The following EP300 variants were observed in gnomAD, a reference collection of about 807,000 sequenced individuals.
The protein encoded by EP300 is histone acetyltransferase p300.
A neutral mutation model predicts 264.0 loss-of-function variants in EP300; 31 were observed. That is an observed-to-expected ratio of 0.12 (90% CI 0.09 to 0.16). EP300 has a LOEUF of 0.16. EP300 is among the 10% of genes least tolerant of loss of function. The pLI, the probability that EP300 is intolerant of heterozygous loss-of-function variation, is 1.00. For missense variants in EP300, 2,766 were observed against 3,052.9 expected (o/e 0.91, Z 2.21); for synonymous variants, 1,340 against 1,045.4 (o/e 1.28, Z -5.44).
chr22:41,165,004 C>A (rs2059126704), intron 22 of EP300, among the ~76,000 whole-genome samples: 8 of 152,126 alleles, frequency 5.3e-5, no homozygotes, highest in Admixed American at 5.2e-4. Context: ...GATTGTTGTT[C>A]CTGATTTGGA....
At chr22:41,123,841 C>G (rs1055115220) in intron 2 of EP300, among the ~76,000 whole-genome samples, 8 of 152,182 alleles carry the variant, frequency 5.3e-5, no homozygotes, top group Non-Finnish European at 4.4e-5. Flanking sequence ...TTATAACTTT[C>G]ATTATTAGTA....
intron 2 of EP300, among the ~76,000 whole-genome samples, chr22:41,121,479 G>C (rs2058851838): frequency 6.6e-6 from 1 of 152,126 alleles, no homozygotes; most frequent in Non-Finnish European, 1.5e-5. Flanking sequence ...AGATCTGTGT[G>C]GGAGATGGAA....
Position 41,178,682 on chromosome 22 carries a change from A to T in EP300, c.6971A>T (p.His2324Leu), listed in dbSNP as rs767644624. 1 of 1,612,728 alleles carries T rather than the reference A, an allele frequency of 6.2e-7. No individual in the cohort carries two copies. Among genetic ancestry groups the T allele is most frequent in the South Asian group, 1.1e-5 (1 of 91,018 alleles). The change falls in exon 31 of 31, where the codon CAC (histidine) becomes CTC (leucine). Residue 2324 changes from histidine (H) to leucine (L), a missense_variant. His to Leu is a moderately conservative substitution (Grantham distance 99, BLOSUM62 -3). Coordinates refer to ENST00000263253, the MANE Select transcript of EP300 (RefSeq NM_001429.4). ...CCACGGCCACAGTCCCAGCCCCCCCACTCCAGTCCTTCCCCAAGGATGCAG... is the reference window on the plus strand; with the variant it reads ...CCACGGCCACAGTCCCAGCCCCCCCTCTCCAGTCCTTCCCCAAGGATGCAG... ...PSPRPQSQPP[H>L]SSPSPRMQPQ...
In EP300 at chr22:41,117,216, G is replaced by A. The variant is rs1430803896; in HGVS notation, c.124G>A (p.Asp42Asn). Residue 42 changes from aspartate (D) to asparagine (N), a missense_variant, in exon 2 of 31, where the codon GAC (aspartate) becomes AAC (asparagine). By Grantham distance (23) the Asp-to-Asn change is conservative. Coordinates refer to ENST00000263253, the MANE Select transcript of EP300 (RefSeq NM_001429.4). Reference sequence around the variant, plus strand: ...TGGCTCTCTATTTGACTTGGAGCACGACTTACCAGATGAATTAATCAACTC... The same window carrying A: ...TGGCTCTCTATTTGACTTGGAGCACAACTTACCAGATGAATTAATCAACTC... ...DFGSLFDLEH[D>N]LPDELINSTE... 3.7e-6 allele frequency: 6 copies of A among 1,613,958 alleles called. No homozygotes were observed. Among genetic ancestry groups the A allele is most frequent in the Non-Finnish European group, 5.1e-6 (6 of 1,180,038 alleles).
rs374354690 is a variant in EP300 at position 41,140,164 on chromosome 22, G to A, written c.1785G>A (p.Pro595=). ...HKLVQAIFPT[P]DPAALKDRRM... is the part of the protein sequence containing the mutation. The stretch of plus-strand genomic sequence containing the variant: ...GCGTCCAAGCCATATTTCCTACGCC[G>A]GATCCTGCTGCTTTAAAAGACAGAC... Residue 595 remains proline (P), a synonymous_variant, in exon 9 of 31, where the codon CCG becomes CCA. Coordinates refer to ENST00000263253, the MANE Select transcript of EP300 (RefSeq NM_001429.4). The A allele has an allele frequency of 3.7e-5, 60 of 1,613,862 alleles. No homozygotes were observed. The highest frequency in any genetic ancestry group is 8.0e-5 in the African/African-American group (6 of 74,888).
chr22:41,119,175 A>ATTTTT (rs1159365617), intron 2 of EP300, among the ~76,000 whole-genome samples: 2 of 112,988 alleles, frequency 1.8e-5, no homozygotes, highest in African/African-American at 3.9e-5. Context: ...GCTTATTATT[A>ATTTTT]TTTTTTTTTT....
chr22:41,116,616 G>A (rs752673217), intron 1 of EP300, among the ~76,000 whole-genome samples: 5 of 151,986 alleles, frequency 3.3e-5, no homozygotes, highest in Non-Finnish European at 7.4e-5. Flanking sequence ...TCATTGATGG[G>A]GGGTGTTGTA....
intron 25 of EP300, 61 bp downstream of exon 25, chr22:41,168,928 T>A: frequency 6.2e-7 from 1 of 1,606,548 alleles, no homozygotes; most frequent in Admixed American, 1.7e-5. Context: ...TTATAATAGG[T>A]GGAAAAGCAT....
At chr22:41,144,663 T>C (rs2059001016) in intron 10 of EP300, among the ~76,000 whole-genome samples, 1 of 152,128 alleles carries the variant, frequency 6.6e-6, no homozygotes, top group Non-Finnish European at 1.5e-5. Context: ...AGCCTTTAAA[T>C]ATTTATCTTA....
chr22:41,167,826 GTT>G (rs1192332279), intron 23 of EP300, among the ~76,000 whole-genome samples: 19 of 32,184 alleles, frequency 5.9e-4, no homozygotes, highest in African/African-American at 2.1e-3. Flanking sequence ...TTTTTTTTTT[GTT>G]TTTTTTTTTT....
At chr22:41,127,451 G>A in intron 3 of EP300, 36 bp from the exon 4 acceptor site, 1 of 1,612,394 alleles carries the variant, frequency 6.2e-7, no homozygotes, top group African/African-American at 1.3e-5. Flanking sequence ...AGCACATTAT[G>A]ACTCCTACCA....
Position 41,179,048 on chromosome 22 carries a change from C to A in EP300, c.*92C>A. On this transcript the variant is annotated 3_prime_UTR_variant, in exon 31 of 31. Transcript: ENST00000263253. ...ACAATTTTTTTGAATCTTTCGTAGC[C>A]TAAAAGACAATTTTCCTTGGAACAC... 6.8e-7 allele frequency: 1 copy of A among 1,481,402 alleles called. No individual in the cohort carries two copies. Among genetic ancestry groups the A allele is most frequent in the Non-Finnish European group, 9.2e-7 (1 of 1,084,208 alleles). 91.8% of individuals were successfully genotyped at this position (1,481,402 alleles called of 1,614,324 possible). A position where few individuals can be genotyped will look rare whatever the true frequency, so the allele number is the denominator to read the frequency against.
At chr22:41,126,934 G>A (rs2058886239) in intron 3 of EP300, among the ~76,000 whole-genome samples, 1 of 151,792 alleles carries the variant, frequency 6.6e-6, no homozygotes, top group African/African-American at 2.4e-5. Context: ...AGTAGAGACA[G>A]GGTTTCTCCA....
At chr22:41,139,506 G>A (rs1455100648) in intron 8 of EP300, among the ~76,000 whole-genome samples, 2 of 152,052 alleles carry the variant, frequency 1.3e-5, no homozygotes, top group Non-Finnish European at 2.9e-5. Flanking sequence ...ATATCTTCTT[G>A]ATCTGGTTCC....
Position 41,117,752 on chromosome 22 carries a change from T to G in EP300, c.660T>G (p.Thr220=). The G allele has an allele frequency of 3.1e-6, 5 of 1,614,228 alleles. No individual in the cohort carries two copies. The highest frequency in any genetic ancestry group is 4.2e-6 in the Non-Finnish European group (5 of 1,180,036). Residue 220 remains threonine (T), a synonymous_variant, in exon 2 of 31, where the codon ACT becomes ACG. Transcript: ENST00000263253. ...PGMGSAGNLL[T]EPLQQGSPQM... ...TGGGAAGTGCTGGCAACTTACTGAC[T>G]GAGCCTCTTCAGCAGGGCTCTCCCC...
chr22:41,162,863 G>C (rs2059115319), intron 21 of EP300, 84 bp downstream of exon 21: 1 of 1,152,422 alleles, frequency 8.7e-7, no homozygotes, highest in East Asian at 2.3e-5. Flanking sequence ...TGACCAATCA[G>C]ATGATCCTAT....
chr22:41,160,117 C>G (rs933867461), intron 19 of EP300: 11 of 159,070 alleles, frequency 6.9e-5, no homozygotes, highest in African/African-American at 2.4e-4. Flanking sequence ...TTCTTCTCTC[C>G]CTGGTATATT....
chr22:41,133,892 TG>T (rs772637618), intron 6 of EP300, among the ~76,000 whole-genome samples: 38 of 152,344 alleles, frequency 2.5e-4, no homozygotes, highest in Non-Finnish European at 1.8e-4. Context: ...TGTCAGAAAC[TG>T]AAAGTTATGA....
At chr22:41,152,678 A>G (rs541003121) in intron 16 of EP300, among the ~76,000 whole-genome samples, 8 of 152,320 alleles carry the variant, frequency 5.3e-5, no homozygotes, top group Admixed American at 4.6e-4. Context: ...AAGAATAGCA[A>G]TAGTAATAGC....
Sources: gnomAD v4.1 joint callset for allele counts (sites outside exome capture counted in the v4.1 genomes callset) on GRCh38, gnomAD v4.1.1 for gene constraint, MANE v1.5 for transcripts, NCBI Gene and HGNC (gene_info 2026-07-23, HGNC 2026-07-21) for gene names.